The following B3GAT3 variants were observed in gnomAD, a reference collection of about 807,000 sequenced individuals.
B3GAT3 encodes beta-1,3-glucuronyltransferase 3.
A neutral mutation model predicts 33.1 loss-of-function variants in B3GAT3; 19 were observed. The ratio of observed to expected loss-of-function variants is 0.57; its 90% CI spans 0.40 to 0.84. The LOEUF (loss-of-function observed/expected upper bound fraction) is 0.84, where lower values mean the gene tolerates loss of function less well. B3GAT3 is among the 40% of genes least tolerant of loss of function. The pLI, the probability that B3GAT3 is intolerant of heterozygous loss-of-function variation, is 0.00. For synonymous variants in B3GAT3, 167 were observed against 193.5 expected, an observed-to-expected ratio of 0.86 and a Z score of 1.14; for missense variants, 344 against 441.5, an observed-to-expected ratio of 0.78 and a Z score of 1.98.
intron 2 of B3GAT3, among the ~76,000 whole-genome samples, chr11:62,619,531 T>A (rs1943101705): frequency 6.6e-6 from 1 of 151,880 alleles, no homozygotes; most frequent in African/African-American, 2.4e-5. Flanking sequence ...AGTATGACTA[T>A]CAGGCCAAGC....
intron 4 of B3GAT3, 130 bp from the exon 5 acceptor site, chr11:62,615,929 G>A (rs1565074818): frequency 6.6e-7 from 1 of 1,526,042 alleles, no homozygotes; most frequent in South Asian, 1.2e-5. Flanking sequence ...AGGGCAGGGT[G>A]GAGGAAGACT....
intron 1 of B3GAT3, among the ~76,000 whole-genome samples, 195 bp downstream of exon 1, chr11:62,621,671 G>A (rs1472663374): frequency 1.3e-5 from 2 of 152,242 alleles, no homozygotes; most frequent in Non-Finnish European, 2.9e-5. Flanking sequence ...GCTCTGGGAA[G>A]GAGTCTGGAT....
At chr11:62,616,478 G>C (rs1432084999) in intron 4 of B3GAT3, 28 bp downstream of exon 4, 12 of 1,613,794 alleles carry the variant, frequency 7.4e-6, no homozygotes, top group Non-Finnish European at 1.0e-5. Flanking sequence ...CAAGAGCCAG[G>C]TTTCTATGCC....
rs1590775030 is a variant in B3GAT3, at chr11:62,616,870, A to C, written c.619-74T>G. On this transcript the variant is annotated intron_variant, in intron 3 of 4. Coordinates refer to ENST00000265471, the MANE Select transcript of B3GAT3 (RefSeq NM_012200.4). Reference sequence around the variant, plus strand: ...AGCAGCAGAAAGAGCCACCTGGCTCACTCTGCCCCACTGCTTCCAGCCCCT... The same window carrying C: ...AGCAGCAGAAAGAGCCACCTGGCTCCCTCTGCCCCACTGCTTCCAGCCCCT... 2.5e-6 allele frequency: 4 copies of C among 1,611,646 alleles called. No individual in the cohort carries two copies. In the Admixed American group the frequency reaches 6.7e-5, roughly 27 times the overall value.
intron 4 of B3GAT3, chr11:62,616,006 G>A: frequency 7.1e-7 from 1 of 1,409,460 alleles, no homozygotes; most frequent in African/African-American, 1.4e-5. Flanking sequence ...CACTTTGGGA[G>A]GCCGAGGAAG....
In B3GAT3 at chr11:62,617,119, G is replaced by C; in HGVS notation, c.486C>G (p.Asn162Lys). 1 of 1,613,994 alleles carries C rather than the reference G, an allele frequency of 6.2e-7. No homozygotes were observed. The highest frequency in any genetic ancestry group is 1.1e-5 in the South Asian group (1 of 91,078). ...TGCCCCGGAGCCAGTCCAGGGCCTT[G>C]TTCCGCTGCTCGACACCACGGGGAT... ...WVHPRGVEQR[N>K]KALDWLRGRG... is the part of the protein sequence containing the mutation. Residue 162 changes from asparagine to lysine, a missense_variant, in exon 3 of 5, where the codon AAC becomes AAG. Coordinates refer to ENST00000265471, the MANE Select transcript of B3GAT3 (RefSeq NM_012200.4).
chr11:62,616,106 T>C (rs1162364636), intron 4 of B3GAT3: 6 of 663,756 alleles, frequency 9.0e-6, no homozygotes, highest in Non-Finnish European at 9.2e-6. Flanking sequence ...TAGCCGGGCG[T>C]GGTAGCGGGT....
At chr11:62,619,979 G>A (rs1041192451) in intron 2 of B3GAT3, among the ~76,000 whole-genome samples, 3 of 151,994 alleles carry the variant, frequency 2.0e-5, no homozygotes, top group African/African-American at 7.3e-5. Flanking sequence ...TAGAAATTTT[G>A]TATTTTCCTT....
chr11:62,615,473 C>T lies in B3GAT3; in HGVS notation c.*228G>A. ...CCTTCTGTTCCACCCTAGACAGGGCCAACCTGACTCAACACAAGGGCTGCT... is the reference window on the plus strand; with the variant it reads ...CCTTCTGTTCCACCCTAGACAGGGCTAACCTGACTCAACACAAGGGCTGCT... On this transcript the variant is annotated 3_prime_UTR_variant, in exon 5 of 5. Transcript: ENST00000265471. 1 of 769,144 alleles carries T rather than the reference C, an allele frequency of 1.3e-6. No homozygotes were observed. The highest frequency in any genetic ancestry group is 2.1e-6 in the Non-Finnish European group (1 of 484,708). 47.6% of individuals were successfully genotyped at this position (769,144 alleles called of 1,614,324 possible).
intron 4 of B3GAT3, 55 bp from the exon 5 acceptor site, chr11:62,615,854 G>T: frequency 6.3e-7 from 1 of 1,597,192 alleles, no homozygotes; most frequent in Non-Finnish European, 8.5e-7. Flanking sequence ...AGGCCTCTGG[G>T]TCCCCGAGCC....
chr11:62,621,576 A>G (rs1483406829), intron 1 of B3GAT3, among the ~76,000 whole-genome samples: 1 of 152,192 alleles, frequency 6.6e-6, no homozygotes, highest in African/African-American at 2.4e-5. Flanking sequence ...TCAGCAAGCC[A>G]GTCTGGCTGC....
chr11:62,617,831 C>G (rs1302123024), intron 2 of B3GAT3, among the ~76,000 whole-genome samples: 1 of 144,388 alleles, frequency 6.9e-6, no homozygotes, highest in African/African-American at 2.6e-5. Flanking sequence ...GAGCTGAGAT[C>G]GCACCATTTC....
chr11:62,616,690 G>A lies in B3GAT3; in HGVS notation c.725C>T (p.Ala242Val). The A allele has an allele frequency of 6.2e-7, 1 of 1,614,206 alleles. No homozygotes were observed. Among genetic ancestry groups the A allele is most frequent in the Non-Finnish European group, 8.5e-7 (1 of 1,180,030 alleles). The change falls in exon 4 of 5, where the codon GCA becomes GTA. Residue 242 changes from alanine to valine, a missense_variant. Physicochemically the swap from Ala to Val is moderately conservative, Grantham distance 64. Coordinates refer to ENST00000265471, the MANE Select transcript of B3GAT3 (RefSeq NM_012200.4). ...QDGRVVGFHT[A>V]WEPSRPFPVD... ...AGGGAAGGGCCTGCTGGGCTCCCAT[G>A]CTGTGTGGAAGCCCACTACCCGGCC...
At chr11:62,616,026 G>A (rs545087229) in intron 4 of B3GAT3, 32 of 1,326,408 alleles carry the variant, frequency 2.4e-5, no homozygotes, top group African/African-American at 3.0e-5. Context: ...GGCGGATCAC[G>A]AGGTCAGGAG....
chr11:62,621,421 G>A, intron 1 of B3GAT3: 1 of 428,962 alleles, frequency 2.3e-6, no homozygotes, highest in Admixed American at 2.5e-5. Context: ...GTCAGGGAAG[G>A]CCTCTCTGAG....
chr11:62,620,461 A>C, intron 2 of B3GAT3, 36 bp downstream of exon 2: 2 of 1,604,060 alleles, frequency 1.2e-6, no homozygotes, highest in Non-Finnish European at 1.7e-6. Context: ...AACTTCTTGG[A>C]CAACGCAGAC....
In B3GAT3 at chr11:62,617,600, G is replaced by C. The variant is rs987341200; in HGVS notation, c.258-253C>G. ...GACTATAAATTAAGGGCACAGGGCC[G>C]GGCATGGTGGCTCACACCTATAATA... On this transcript the variant is annotated intron_variant, in intron 2 of 4. Coordinates refer to ENST00000265471, the MANE Select transcript of B3GAT3 (RefSeq NM_012200.4). The C allele has an allele frequency of 8.7e-6, 5 of 577,774 alleles. No homozygotes were observed. In the Admixed American group the frequency reaches 8.9e-5, roughly 10 times the overall value. 35.8% of individuals were successfully genotyped at this position (577,774 alleles called of 1,614,324 possible). A position where few individuals can be genotyped will look rare whatever the true frequency, so the allele number is the denominator to read the frequency against.
chr11:62,616,956 G>A (rs778900199), intron 3 of B3GAT3, 31 bp downstream of exon 3: 1 of 1,614,088 alleles, frequency 6.2e-7, no homozygotes, highest in South Asian at 1.1e-5. Flanking sequence ...GCCGCACCTG[G>A]TCTCTTGCCC....
chr11:62,616,371 T>G lies in B3GAT3; in HGVS notation c.909+135A>C, dbSNP rs536856125. 155 of 1,313,484 alleles carry G rather than the reference T, an allele frequency of 1.2e-4. No individual in the cohort carries two copies. In the African/African-American group the frequency reaches 1.9e-3, roughly 16 times the overall value. 81.4% of individuals were successfully genotyped at this position (1,313,484 alleles called of 1,614,324 possible). On this transcript the variant is annotated intron_variant, in intron 4 of 4. Transcript: ENST00000265471. ...CGCTAGTTCCCAGCTTCCCCTTCAGTAGAGTCAGCAAGGCTGATCAGAGAT... is the reference window on the plus strand; with the variant it reads ...CGCTAGTTCCCAGCTTCCCCTTCAGGAGAGTCAGCAAGGCTGATCAGAGAT...
Sources: allele counts gnomAD v4.1 joint callset (sites outside exome capture counted in the v4.1 genomes callset), GRCh38; gene constraint gnomAD v4.1.1; transcripts MANE v1.5; gene names NCBI Gene and HGNC (gene_info 2026-07-23, HGNC 2026-07-21).